ENGASE: variants seen among roughly 807,000 people sequenced by gnomAD.
ENGASE encodes cytosolic endo-beta-N-acetylglucosaminidase.
In ENGASE, 69 loss-of-function variants were observed where a neutral mutation model predicts 78.5. That is an observed-to-expected ratio of 0.88 (90% CI 0.72 to 1.07). The LOEUF (loss-of-function observed/expected upper bound fraction) is 1.07. ENGASE is among the 50% of genes least tolerant of loss of function. ENGASE has a pLI of 0.00. For synonymous variants in ENGASE, 408 were observed against 408.9 expected, an observed-to-expected ratio of 1.00 and a Z score of 0.03; for missense variants, 943 against 988.4, an observed-to-expected ratio of 0.95 and a Z score of 0.62.
chr17:79,084,774 G>T, intron 11 of ENGASE, 88 bp downstream of exon 11: 1 of 1,459,254 alleles, frequency 6.9e-7, no homozygotes, highest in African/African-American at 1.4e-5. Flanking sequence ...GTGTGGGGAG[G>T]AGCTGGTGTG....
In ENGASE at chr17:79,086,454, AGGTCCC is replaced by A. The variant is rs2073315016; in HGVS notation, c.*114_*119del. 1 of 1,384,136 alleles carries A rather than the reference AGGTCCC, an allele frequency of 7.2e-7. No homozygotes were observed. The highest frequency in any genetic ancestry group is 9.6e-7 in the Non-Finnish European group (1 of 1,043,384). The allele number at this position is 1,384,136 out of a possible 1,614,324, so 85.7% of individuals were successfully genotyped here. A position where few individuals can be genotyped will look rare whatever the true frequency, so the allele number is the denominator to read the frequency against. The stretch of plus-strand genomic sequence containing the variant: ...CTGCTAAGTGCCCACAGTGGCAGCG[AGGTCCC>A]GGTCCCGGGGCTGGGGTGGGAGACC... On this transcript the variant is annotated 3_prime_UTR_variant, in exon 14 of 14. Transcript: ENST00000579016.
chr17:79,082,780 C>G, intron 7 of ENGASE: 1 of 1,475,344 alleles, frequency 6.8e-7, no homozygotes, highest in Non-Finnish European at 9.0e-7. Context: ...GGGGCCCAGC[C>G]CCTGCCCCCC....
chr17:79,077,984 G>A (rs2073011781), intron 3 of ENGASE, 120 bp downstream of exon 3: 8 of 956,832 alleles, frequency 8.4e-6, no homozygotes, highest in South Asian at 3.4e-5. Context: ...GTCAGGAGAC[G>A]GGCATTGGAG....
intron 3 of ENGASE, 69 bp downstream of exon 3, chr17:79,077,933 C>CGGGAGGGGG: frequency 2.1e-6 from 1 of 467,848 alleles, no homozygotes; most frequent in Non-Finnish European, 4.0e-6. Context: ...GCTGGAGGGG[C>CGGGAGGGGG]GGGAGAGAGT....
chr17:79,080,015 A>T (rs2073084946), intron 4 of ENGASE, among the ~76,000 whole-genome samples, 192 bp from the exon 5 acceptor site: 1 of 152,224 alleles, frequency 6.6e-6, no homozygotes, highest in Admixed American at 6.5e-5. Flanking sequence ...CCGATCGTTG[A>T]TGGGCTTCCG....
chr17:79,082,210 C>T (rs1299917678), intron 7 of ENGASE, 147 bp downstream of exon 7: 1 of 1,558,752 alleles, frequency 6.4e-7, no homozygotes, highest in East Asian at 2.4e-5. Flanking sequence ...CACTGAGAAA[C>T]AGGTGTCCTG....
At position 79,077,709 on chromosome 17, in the gene ENGASE, G is replaced by A. The variant is rs552823314; in HGVS notation, c.261G>A (p.Leu87=). ...KDTTKPISFY[L]SSLEELLAWK... ...CCACCAAACCAATCAGCTTTTACTT[G>A]TCTTCGCTGGAGGAGCTCTTGGCGT... Residue 87 remains leucine (L), a synonymous_variant, in exon 3 of 14, where the codon TTG becomes TTA. Transcript: ENST00000579016. The A allele has an allele frequency of 2.4e-5, 39 of 1,614,200 alleles. No homozygotes were observed. The South Asian group carries it at 4.3e-4, about 18-fold the overall frequency.
At chr17:79,079,089 G>C (rs1004701684) in intron 3 of ENGASE, among the ~76,000 whole-genome samples, 6 of 152,170 alleles carry the variant, frequency 3.9e-5, no homozygotes, top group African/African-American at 1.4e-4. Context: ...TGACTGAATG[G>C]AACTAAAGAG....
chr17:79,084,759 C>T (rs1318360587), intron 11 of ENGASE, 73 bp downstream of exon 11: 5 of 1,544,840 alleles, frequency 3.2e-6, no homozygotes, highest in East Asian at 4.5e-5. Context: ...GGAGAGGCTC[C>T]TGGGGTGTGG....
rs987593441 is a variant in ENGASE, at chr17:79,087,700, C to T, written c.*1351C>T. The T allele has an allele frequency of 7.2e-4, 109 of 152,428 alleles. No homozygotes were observed. Among genetic ancestry groups the T allele is most frequent in the African/African-American group, 2.6e-3 (106 of 41,512 alleles). The allele number at this position is 152,428 out of a possible 1,614,324, so 9.4% of individuals were successfully genotyped here. On this transcript the variant is annotated 3_prime_UTR_variant, in exon 14 of 14. Transcript: ENST00000579016. ...TGAGGGCTGGGATGCTCTGTGACCC[C>T]AGCTGGAGCCCACACCTAAGGGCTG...
At chr17:79,085,465 A>T in intron 12 of ENGASE, 123 bp downstream of exon 12, 1 of 1,325,518 alleles carries the variant, frequency 7.5e-7, no homozygotes, top group East Asian at 2.5e-5. Context: ...CTGAGACAGA[A>T]GCCCAGGACA....
chr17:79,086,905 C>T lies in ENGASE; in HGVS notation c.*556C>T. 2.2e-6 allele frequency: 1 copy of T among 458,058 alleles called. No homozygotes were observed. Among genetic ancestry groups the T allele is most frequent in the Non-Finnish European group, 4.4e-6 (1 of 228,598 alleles). The allele number at this position is 458,058 out of a possible 1,614,324, so 28.4% of individuals were successfully genotyped here. A position where few individuals can be genotyped will look rare whatever the true frequency, so the allele number is the denominator to read the frequency against. On this transcript the variant is annotated 3_prime_UTR_variant, in exon 14 of 14. Coordinates refer to ENST00000579016, the MANE Select transcript of ENGASE (RefSeq NM_001042573.3). ...TCCTCCCAGTGTGGAAGGCCCTTTT[C>T]CCTGAGGAGTGGGCATTCTGGGCCA...
In ENGASE at chr17:79,084,706, G is replaced by A; in HGVS notation, c.1591+20G>A. Reference sequence around the variant, plus strand: ...TGAACGGTGAGGTAATGGGGCCCAGGCCTGCCTCTGCCCAGGGCGGAGAGC... The same window carrying A: ...TGAACGGTGAGGTAATGGGGCCCAGACCTGCCTCTGCCCAGGGCGGAGAGC... On this transcript the variant is annotated intron_variant, in intron 11 of 13. Transcript: ENST00000579016. The A allele has an allele frequency of 6.2e-7, 1 of 1,610,590 alleles. No individual in the cohort carries two copies. The highest frequency in any genetic ancestry group is 1.1e-5 in the South Asian group (1 of 90,702).
chr17:79,078,620 A>C (rs1207556430), intron 3 of ENGASE, among the ~76,000 whole-genome samples: 1 of 152,180 alleles, frequency 6.6e-6, no homozygotes, highest in Admixed American at 6.5e-5. Flanking sequence ...CACCCACCCC[A>C]GGTGCAGACG....
chr17:79,079,569 A>G lies in ENGASE; in HGVS notation c.497A>G (p.His166Arg). Residue 166 changes from histidine (H) to arginine (R), a missense_variant, in exon 4 of 14, where the codon CAC becomes CGC. Transcript: ENST00000579016. ...QCIDVFVYFS[H>R]HTVTIPPVGW... Reference sequence around the variant, plus strand: ...ATCGACGTCTTTGTGTACTTCAGCCACCACACCGTCACCATTCCCCCAGTG... The same window carrying G: ...ATCGACGTCTTTGTGTACTTCAGCCGCCACACCGTCACCATTCCCCCAGTG... 1.2e-6 allele frequency: 2 copies of G among 1,614,014 alleles called. No homozygotes were observed. The highest frequency in any genetic ancestry group is 1.7e-6 in the Non-Finnish European group (2 of 1,179,996).
At chr17:79,084,123 C>G (rs759294750) in intron 10 of ENGASE, 172 bp downstream of exon 10, 36 of 632,218 alleles carry the variant, frequency 5.7e-5, no homozygotes, top group Admixed American at 2.8e-4. Flanking sequence ...ACCATCTTGA[C>G]CCTGTTGAAG....
At position 79,083,255 on chromosome 17, in the gene ENGASE, G is replaced by A; in HGVS notation, c.1142+132G>A. 1 of 783,992 alleles carries A rather than the reference G, an allele frequency of 1.3e-6. No homozygotes were observed. 48.6% of individuals were successfully genotyped at this position (783,992 alleles called of 1,614,324 possible). ...GGGTGGTTAAGGGAGGATGACAGGG[G>A]AGGAAGCCAGCACCCTGGCTGCTTC... On this transcript the variant is annotated intron_variant, in intron 8 of 13. Coordinates refer to ENST00000579016, the MANE Select transcript of ENGASE (RefSeq NM_001042573.3). This position sits in a 1 kb window ranked among gnomAD's most constrained non-coding sequence, Gnocchi z 4.9.
In ENGASE at chr17:79,077,883, A is replaced by G. The variant is rs754877463; in HGVS notation, c.416+19A>G. On this transcript the variant is annotated intron_variant, in intron 3 of 13. Transcript: ENST00000579016. ...ATGACAGGTGAGGACCTGGCCTTAC[A>G]TTGATGTTGCTTACATTGTTCTCCT... 11 of 1,340,304 alleles carry G rather than the reference A, an allele frequency of 8.2e-6. No individual in the cohort carries two copies. The highest frequency in any genetic ancestry group is 1.1e-5 in the Non-Finnish European group (11 of 995,732). The allele number at this position is 1,340,304 out of a possible 1,614,324, so 83.0% of individuals were successfully genotyped here.
intron 1 of ENGASE, among the ~76,000 whole-genome samples, chr17:79,076,684 G>A (rs565898644): frequency 3.9e-5 from 6 of 152,192 alleles, no homozygotes; most frequent in African/African-American, 9.6e-5. Flanking sequence ...TGAACAGCGC[G>A]GAAGGCACTT....
Sources: allele counts gnomAD v4.1 joint callset (sites outside exome capture counted in the v4.1 genomes callset), GRCh38; gene constraint gnomAD v4.1.1; non-coding constraint Gnocchi (gnomAD v3.1); transcripts MANE v1.5; gene names NCBI Gene and HGNC (gene_info 2026-07-23, HGNC 2026-07-21).